TENM3: variants seen among roughly 807,000 people sequenced by gnomAD.
TENM3 encodes the protein teneurin transmembrane protein 3.
Under a neutral mutation model 255.1 loss-of-function variants are expected in TENM3, and 63 were observed. The ratio of observed to expected loss-of-function variants is 0.25; its 90% CI spans 0.20 to 0.30. The LOEUF is 0.30. Among genes scored for constraint, TENM3 ranks in the 10% least tolerant of loss-of-function variants. The probability of loss-of-function intolerance (pLI) is 1.00; values close to 1 mark genes in which losing one functional copy is unlikely to be tolerated. For missense variants in TENM3, 2,929 were observed against 3,461.1 expected, an observed-to-expected ratio of 0.85 and a Z score of 3.86; for synonymous variants, 1,306 against 1,322.3, an observed-to-expected ratio of 0.99 and a Z score of 0.27.
At chr4:181,830,252 T>G in the TENM3 span, among the ~76,000 whole-genome samples, 1 of 152,124 alleles carries the variant, frequency 6.6e-6, no homozygotes, top group East Asian at 1.9e-4. Flanking sequence ...TTGCTGCTGC[T>G]GCTTTTTTTG....
chr4:182,260,902 G>A (rs1256942223), intron 1 of TENM3, among the ~76,000 whole-genome samples: 1 of 151,872 alleles, frequency 6.6e-6, no homozygotes. Flanking sequence ...CTGAGTCGGA[G>A]ACTTGCCCTG....
chr4:181,510,645 C>T, the TENM3 span, among the ~76,000 whole-genome samples: 3 of 152,230 alleles, frequency 2.0e-5, no homozygotes, highest in East Asian at 1.9e-4. Context: ...GAAATGACCC[C>T]GTTCTTTCTA....
chr4:182,252,008 C>T (rs910352282), intron 1 of TENM3, among the ~76,000 whole-genome samples: 1 of 151,996 alleles, frequency 6.6e-6, no homozygotes, highest in Admixed American at 6.6e-5. Context: ...CATGGTGAAA[C>T]CCCATCTCTA....
At chr4:181,540,182 G>T in the TENM3 span, among the ~76,000 whole-genome samples, 1 of 152,142 alleles carries the variant, frequency 6.6e-6, no homozygotes, top group Non-Finnish European at 1.5e-5. Flanking sequence ...GGAGCCAACT[G>T]AAAGGGTCCC....
intron 22 of TENM3, 189 bp downstream of exon 22, chr4:182,755,448 G>A (rs1404308045): frequency 1.4e-5 from 8 of 559,144 alleles, no homozygotes; most frequent in South Asian, 1.0e-4. Context: ...AGGCTGAGAC[G>A]GGAGGATTGC....
the TENM3 span, among the ~76,000 whole-genome samples, chr4:181,681,302 A>T: frequency 6.6e-6 from 1 of 152,032 alleles, no homozygotes; most frequent in South Asian, 2.1e-4. Flanking sequence ...CGTAGAAATA[A>T]CTAACATTTC....
At chr4:181,870,657 T>C in the TENM3 span, among the ~76,000 whole-genome samples, 2 of 152,122 alleles carry the variant, frequency 1.3e-5, no homozygotes, top group African/African-American at 2.4e-5. Context: ...ATCTTTTGGG[T>C]ATTTGGGTAT....
At chr4:181,982,692 T>C in the TENM3 span, among the ~76,000 whole-genome samples, 17 of 152,310 alleles carry the variant, frequency 1.1e-4, no homozygotes, top group East Asian at 3.3e-3. Flanking sequence ...TGGCTGAATA[T>C]GGATTCAATT....
At chr4:181,809,904 C>T in the TENM3 span, among the ~76,000 whole-genome samples, 2 of 152,084 alleles carry the variant, frequency 1.3e-5, no homozygotes, top group African/African-American at 4.8e-5. Flanking sequence ...CTCCCCGGAG[C>T]CCCCAGAAGC....
intron 1 of TENM3, among the ~76,000 whole-genome samples, chr4:182,320,875 T>C (rs1763008088): frequency 6.6e-6 from 1 of 152,224 alleles, no homozygotes; most frequent in South Asian, 2.1e-4. Context: ...GTCCAACTAA[T>C]TGAAGCAAAA....
At chr4:182,170,154 C>T (rs1482175194) in intron 1 of TENM3, among the ~76,000 whole-genome samples, 1 of 151,644 alleles carries the variant, frequency 6.6e-6, no homozygotes, top group African/African-American at 2.4e-5. Flanking sequence ...TCTTTCATTC[C>T]TTTAAGATAG....
chr4:181,873,799 G>GT, the TENM3 span, among the ~76,000 whole-genome samples: 1 of 151,638 alleles, frequency 6.6e-6, no homozygotes, highest in Non-Finnish European at 1.5e-5. Flanking sequence ...TTATTTGTTT[G>GT]TTTGTTTTGT....
At chr4:181,497,160 G>T in the TENM3 span, among the ~76,000 whole-genome samples, 1 of 152,088 alleles carries the variant, frequency 6.6e-6, no homozygotes, top group South Asian at 2.1e-4. Flanking sequence ...ATATGCACAT[G>T]TATACATATT....
intron 7 of TENM3, among the ~76,000 whole-genome samples, chr4:182,676,054 A>C (rs1755637021): frequency 6.6e-6 from 1 of 152,230 alleles, no homozygotes; most frequent in South Asian, 2.1e-4. Context: ...TCAGTGTTTA[A>C]ACATGAAATA....
At chr4:182,536,724 T>C (rs1164574931) in intron 3 of TENM3, among the ~76,000 whole-genome samples, 2 of 152,212 alleles carry the variant, frequency 1.3e-5, no homozygotes, top group African/African-American at 4.8e-5. Flanking sequence ...TTCCTCAGCA[T>C]GGAGCCTGTT....
chr4:182,116,013 A>G, the TENM3 span, among the ~76,000 whole-genome samples: 4 of 152,208 alleles, frequency 2.6e-5, no homozygotes, highest in Non-Finnish European at 5.9e-5. Context: ...GTACATTTGT[A>G]CAATCAATGA....
chr4:182,447,231 T>C (rs1157862788), intron 3 of TENM3, among the ~76,000 whole-genome samples: 1 of 151,524 alleles, frequency 6.6e-6, no homozygotes, highest in African/African-American at 2.4e-5. Flanking sequence ...TAATAGAGTG[T>C]GTTTGTGAGT....
chr4:182,137,826 T>C, the TENM3 span, among the ~76,000 whole-genome samples: 28 of 152,352 alleles, frequency 1.8e-4, no homozygotes, highest in Middle Eastern at 0.01. Flanking sequence ...ATCCATAACT[T>C]AGTACTATTA....
the TENM3 span, among the ~76,000 whole-genome samples, chr4:182,005,842 G>A: frequency 1.4e-4 from 22 of 152,216 alleles, no homozygotes; most frequent in African/African-American, 5.3e-4. Flanking sequence ...ATGTGAATGG[G>A]AGTTCATTCC....
Sources: allele counts gnomAD v4.1 joint callset (sites outside exome capture counted in the v4.1 genomes callset), GRCh38; gene constraint gnomAD v4.1.1; transcripts MANE v1.5; gene names NCBI Gene and HGNC (gene_info 2026-07-23, HGNC 2026-07-21).